The following SLC26A9 variants were observed in gnomAD, a reference collection of about 807,000 sequenced individuals.
SLC26A9 encodes the protein solute carrier family 26 member 9, also known as anion transporter/exchanger protein 9.
Under a neutral mutation model 87.1 loss-of-function variants are expected in SLC26A9, and 46 were observed. The ratio of observed to expected loss-of-function variants is 0.53; its 90% confidence interval spans 0.42 to 0.67. SLC26A9 has a LOEUF of 0.67. SLC26A9 is among the 30% of genes least tolerant of loss of function. SLC26A9 has a pLI of 0.00. For missense variants in SLC26A9, 927 were observed against 1,018.3 expected (o/e 0.91, Z 1.22); for synonymous variants, 437 against 409.1 (o/e 1.07, Z -0.82).
At chr1:205,919,252 A>T (rs752710377) in intron 18 of SLC26A9, among the ~76,000 whole-genome samples, 1 of 152,148 alleles carries the variant, frequency 6.6e-6, no homozygotes, top group Non-Finnish European at 1.5e-5. Context: ...TCGAGTGGAA[A>T]AGCCTAAGCC....
chr1:205,940,918 C>T (rs185737121), intron 1 of SLC26A9, among the ~76,000 whole-genome samples: 1,684 of 152,322 alleles, frequency 0.011, 10 homozygotes, highest in East Asian at 0.029. Context: ...CCTAGCCAGC[C>T]GGTTGCTGTG....
In SLC26A9 at chr1:205,924,404, A is replaced by G. The variant is rs1405035258; in HGVS notation, c.1475T>C (p.Val492Ala). The G allele has an allele frequency of 6.2e-7, 1 of 1,614,194 alleles. No individual in the cohort carries two copies. The highest frequency in any genetic ancestry group is 1.7e-5 in the Admixed American group (1 of 60,030). Residue 492 changes from valine (V) to alanine (A), a missense_variant, in exon 13 of 21, where the codon GTC (valine) becomes GCC (alanine). Val to Ala is a moderately conservative substitution (Grantham distance 64). Transcript: ENST00000367135. ...TTACAACTGAGTCTGGAAGACCACGACCAGGACGGAGAAGGCGACACCCAC... is the reference window on the plus strand; with the variant it reads ...TTACAACTGAGTCTGGAAGACCACGGCCAGGACGGAGAAGGCGACACCCAC... ...VAVGVAFSVL[V>A]VVFQTQFRNG...
intron 2 of SLC26A9, among the ~76,000 whole-genome samples, chr1:205,933,853 T>A (rs1571754119): frequency 6.6e-6 from 1 of 152,236 alleles, no homozygotes; most frequent in East Asian, 1.9e-4. Context: ...GTTGATCCCT[T>A]CCCTGTTTGT....
intron 20 of SLC26A9, 148 bp from the exon 21 acceptor site, chr1:205,915,552 G>T: frequency 8.9e-7 from 1 of 1,121,126 alleles, no homozygotes; most frequent in Non-Finnish European, 1.3e-6. Context: ...GTGTGTGCGA[G>T]AGTGTGTGTG....
intron 7 of SLC26A9, 71 bp downstream of exon 7, chr1:205,929,133 G>C (rs1257462599): frequency 6.4e-7 from 1 of 1,568,732 alleles, no homozygotes; most frequent in Non-Finnish European, 8.6e-7. Flanking sequence ...GGGATGGGGT[G>C]AGGAAAGGTA....
At chr1:205,941,261 T>C (rs1237286183) in intron 1 of SLC26A9, among the ~76,000 whole-genome samples, 1 of 152,132 alleles carries the variant, frequency 6.6e-6, no homozygotes, top group African/African-American at 2.4e-5. Flanking sequence ...GTGCACTTCC[T>C]GGGTTCAAGC....
chr1:205,936,763 G>T (rs1659525508), intron 1 of SLC26A9, among the ~76,000 whole-genome samples: 1 of 152,160 alleles, frequency 6.6e-6, no homozygotes. Context: ...GGAGTGTGGG[G>T]TGGCTGTGGC....
chr1:205,920,698 C>T (rs1658791569), intron 17 of SLC26A9, among the ~76,000 whole-genome samples: 1 of 152,292 alleles, frequency 6.6e-6, no homozygotes, highest in South Asian at 2.1e-4. Context: ...CGGGGTTTCA[C>T]CATGTTGGCC....
chr1:205,922,681 T>C (rs1044192015), intron 16 of SLC26A9, among the ~76,000 whole-genome samples: 3 of 152,276 alleles, frequency 2.0e-5, no homozygotes, highest in South Asian at 2.1e-4. Flanking sequence ...GGTAGGTGGA[T>C]CACCTGAGGT....
chr1:205,932,616 A>G, intron 4 of SLC26A9, 86 bp downstream of exon 4: 1 of 1,124,082 alleles, frequency 8.9e-7, no homozygotes, highest in South Asian at 1.7e-5. Context: ...GAGAATGCAG[A>G]TGGAAAATCT....
rs573018128 is a variant in SLC26A9 at position 205,923,316 on chromosome 1, G to T, written c.1659+19C>A. 6.2e-7 allele frequency: 1 copy of T among 1,613,482 alleles called. No homozygotes were observed. Among genetic ancestry groups the T allele is most frequent in the Admixed American group, 1.7e-5 (1 of 59,992 alleles). ...CACTCTCTGTCCAGAGCCTCTGGTC[G>T]CCAGGGACTGAGCCTTACCTTGGCG... On this transcript the variant is annotated intron_variant, in intron 15 of 20. Coordinates refer to ENST00000367135, the MANE Select transcript of SLC26A9 (RefSeq NM_052934.4).
chr1:205,928,135 C>A, intron 8 of SLC26A9, 86 bp from the exon 9 acceptor site: 1 of 1,495,738 alleles, frequency 6.7e-7, no homozygotes, highest in Non-Finnish European at 9.0e-7. Flanking sequence ...AGGGACCAGC[C>A]AGGCCCCCAT....
chr1:205,923,289 G>A, intron 15 of SLC26A9, 46 bp downstream of exon 15: 1 of 1,612,138 alleles, frequency 6.2e-7, no homozygotes, highest in Non-Finnish European at 8.5e-7. Flanking sequence ...CCATTTTCCG[G>A]CCACTCTCTG....
chr1:205,924,293 TG>T, intron 13 of SLC26A9, 89 bp downstream of exon 13: 1 of 1,250,980 alleles, frequency 8.0e-7, no homozygotes, highest in Non-Finnish European at 1.2e-6. Flanking sequence ...GAAGGTACAG[TG>T]GACTAAGCCA....
chr1:205,919,087 G>A, intron 18 of SLC26A9, 102 bp from the exon 19 acceptor site: 2 of 1,452,432 alleles, frequency 1.4e-6, no homozygotes, highest in Non-Finnish European at 1.9e-6. Flanking sequence ...GGAGAGGCCT[G>A]AGGTCCCAGC....
intron 20 of SLC26A9, among the ~76,000 whole-genome samples, chr1:205,916,207 A>G (rs1486910163): frequency 6.6e-6 from 1 of 152,008 alleles, no homozygotes; most frequent in Non-Finnish European, 1.5e-5. Flanking sequence ...AGTGATTCTC[A>G]TGCCTCAGAC....
At chr1:205,924,968 T>TA (rs11452281) in intron 12 of SLC26A9, among the ~76,000 whole-genome samples, 29,976 of 151,996 alleles carry the variant, frequency 0.2, 3,439 homozygotes, top group East Asian at 0.56. Context: ...AGCTAACTTT[T>TA]TATTTTTCTA....
At chr1:205,921,953 C>A in intron 16 of SLC26A9, 106 bp from the exon 17 acceptor site, 1 of 1,373,096 alleles carries the variant, frequency 7.3e-7, no homozygotes, top group South Asian at 1.4e-5. Flanking sequence ...GGGAATAACT[C>A]GCCTCGGTGA....
intron 1 of SLC26A9, among the ~76,000 whole-genome samples, chr1:205,942,885 G>A (rs896971183): frequency 6.6e-6 from 1 of 152,218 alleles, no homozygotes; most frequent in African/African-American, 2.4e-5. Flanking sequence ...TGGTGGAGAA[G>A]TACATGAGTG....
Sources: gnomAD v4.1 joint callset for allele counts (sites outside exome capture counted in the v4.1 genomes callset) on GRCh38, gnomAD v4.1.1 for gene constraint, MANE v1.5 for transcripts, NCBI Gene and HGNC (gene_info 2026-07-23, HGNC 2026-07-21) for gene names.